Variants in FAF1 observed in about 807,000 individuals in gnomAD.
FAF1 encodes Fas associated factor 1.
In FAF1, 25 loss-of-function variants were observed where a neutral mutation model predicts 92.5. That is an observed-to-expected ratio of 0.27 (90% CI 0.20 to 0.38). The LOEUF (loss-of-function observed/expected upper bound fraction) is 0.38. Ranked by LOEUF, FAF1 falls within the 10% of genes least tolerant of loss-of-function variation. The probability of loss-of-function intolerance (pLI) is 1.00; values close to 1 mark genes in which losing one functional copy is unlikely to be tolerated. For synonymous variants in FAF1, 234 were observed against 273.2 expected (o/e 0.86, Z 1.42); for missense variants, 636 against 793.3 (o/e 0.80, Z 2.38).
intron 8 of FAF1, among the ~76,000 whole-genome samples, chr1:50,598,462 T>TAAA (rs890794436): frequency 1.7e-4 from 19 of 112,352 alleles, no homozygotes; most frequent in African/African-American, 5.6e-4. Context: ...AACCTGTCTT[T>TAAA]AAAAAAAAAA....
chr1:50,955,623 A>G (rs1375191002), intron 1 of FAF1, among the ~76,000 whole-genome samples: 1 of 152,240 alleles, frequency 6.6e-6, no homozygotes, highest in African/African-American at 2.4e-5. Context: ...TGATCCAGCA[A>G]TTTAACTTCT....
At chr1:50,685,497 T>C (rs1006386811) in intron 7 of FAF1, among the ~76,000 whole-genome samples, 2 of 152,172 alleles carry the variant, frequency 1.3e-5, no homozygotes, top group African/African-American at 4.8e-5. Context: ...AATCATAAAA[T>C]GGGGAAAAGC....
intron 7 of FAF1, among the ~76,000 whole-genome samples, chr1:50,689,993 C>CT (rs1159221059): frequency 0.093 from 11,357 of 122,338 alleles, 787 homozygotes; most frequent in Non-Finnish European, 0.12. Context: ...CATTATATTT[C>CT]TTTTTTTTTT....
chr1:50,584,377 A>T (rs1651127069), intron 10 of FAF1, among the ~76,000 whole-genome samples: 1 of 152,144 alleles, frequency 6.6e-6, no homozygotes, highest in East Asian at 1.9e-4. Flanking sequence ...TCGGTCACAG[A>T]AAGTACACCT....
chr1:50,710,619 T>C (rs1012525991), intron 6 of FAF1, among the ~76,000 whole-genome samples: 91 of 152,202 alleles, frequency 6.0e-4, no homozygotes, highest in Non-Finnish European at 1.2e-3. Flanking sequence ...TTTTTTTTTT[T>C]CGAGACAGAG....
chr1:50,825,172 T>C (rs1439729851), intron 2 of FAF1, among the ~76,000 whole-genome samples: 1 of 152,114 alleles, frequency 6.6e-6, no homozygotes, highest in African/African-American at 2.4e-5. Context: ...ACTGATTGTA[T>C]CATTACACAC....
intron 12 of FAF1, among the ~76,000 whole-genome samples, chr1:50,571,132 C>T (rs761994825): frequency 3.0e-4 from 46 of 152,106 alleles, no homozygotes; most frequent in Admixed American, 2.6e-3. Flanking sequence ...AAAGAATGTG[C>T]GGAGGCAAAC....
chr1:50,529,333 T>C (rs1454171126), intron 15 of FAF1, among the ~76,000 whole-genome samples: 2 of 152,164 alleles, frequency 1.3e-5, no homozygotes, highest in Non-Finnish European at 2.9e-5. Context: ...AGTTCAGATG[T>C]CAGAGTCAAA....
intron 7 of FAF1, among the ~76,000 whole-genome samples, chr1:50,673,008 A>G (rs1320366683): frequency 6.6e-6 from 1 of 152,142 alleles, no homozygotes. Context: ...CTATAATCCC[A>G]GCACATTGGG....
At chr1:50,498,888 A>G (rs1646942639) in intron 15 of FAF1, among the ~76,000 whole-genome samples, 1 of 152,052 alleles carries the variant, frequency 6.6e-6, no homozygotes. Context: ...GGACTTGAAT[A>G]GACATTTTCC....
At chr1:50,733,969 G>T (rs570946332) in intron 6 of FAF1, among the ~76,000 whole-genome samples, 1 of 152,256 alleles carries the variant, frequency 6.6e-6, no homozygotes, top group Non-Finnish European at 1.5e-5. Context: ...GATAATTTTT[G>T]TATTTTTAGT....
At chr1:50,843,426 A>G (rs952442949) in intron 2 of FAF1, among the ~76,000 whole-genome samples, 2 of 152,170 alleles carry the variant, frequency 1.3e-5, no homozygotes, top group Admixed American at 1.3e-4. Flanking sequence ...ATTTAAAAAT[A>G]TACAATAAAT....
At chr1:50,897,059 A>G (rs1342284177) in intron 1 of FAF1, among the ~76,000 whole-genome samples, 3 of 152,366 alleles carry the variant, frequency 2.0e-5, no homozygotes, top group East Asian at 3.9e-4. Context: ...CACTATTTAC[A>G]TTAGCTCCAA....
At chr1:50,882,258 T>C (rs1468221104) in intron 1 of FAF1, among the ~76,000 whole-genome samples, 3 of 152,104 alleles carry the variant, frequency 2.0e-5, no homozygotes, top group Admixed American at 6.6e-5. Flanking sequence ...TAAATGTACA[T>C]TGTAAGAAGA....
At chr1:50,750,263 T>C (rs1033884396) in intron 4 of FAF1, among the ~76,000 whole-genome samples, 4 of 152,182 alleles carry the variant, frequency 2.6e-5, no homozygotes, top group African/African-American at 4.8e-5. Flanking sequence ...CTGAATCCAA[T>C]AGCATACTTT....
At chr1:50,694,255 C>G (rs1275778952) in intron 7 of FAF1, among the ~76,000 whole-genome samples, 1 of 151,970 alleles carries the variant, frequency 6.6e-6, no homozygotes, top group Non-Finnish European at 1.5e-5. Context: ...TATAAACATA[C>G]CTCTTAGGAG....
At chr1:50,707,706 G>GAAAT (rs1657743374) in intron 6 of FAF1, among the ~76,000 whole-genome samples, 5 of 145,838 alleles carry the variant, frequency 3.4e-5, no homozygotes, top group Admixed American at 2.0e-4. Context: ...AAAAAAGAAA[G>GAAAT]AAAAAAGAAA....
At chr1:50,611,770 C>T (rs1236821062) in intron 8 of FAF1, among the ~76,000 whole-genome samples, 2 of 152,098 alleles carry the variant, frequency 1.3e-5, no homozygotes, top group East Asian at 3.9e-4. Context: ...TTCACAAATA[C>T]CCACCGTACA....
chr1:50,709,478 TG>T (rs1657826138), intron 6 of FAF1, among the ~76,000 whole-genome samples: 1 of 152,234 alleles, frequency 6.6e-6, no homozygotes, highest in African/African-American at 2.4e-5. Flanking sequence ...TATTCTGAAC[TG>T]CATACAAAGA....
Sources: gnomAD v4.1 joint callset for allele counts (sites outside exome capture counted in the v4.1 genomes callset) on GRCh38, gnomAD v4.1.1 for gene constraint, MANE v1.5 for transcripts, NCBI Gene and HGNC (gene_info 2026-07-23, HGNC 2026-07-21) for gene names.